Variants in MOB3B observed in about 807,000 individuals in gnomAD.
MOB3B encodes the protein MOB kinase activator-like 2B.
MOB3B carries 7 observed loss-of-function variants against 18.7 expected under a neutral mutation model. The ratio of observed to expected loss-of-function variants is 0.37; its 90% CI spans 0.21 to 0.70. The LOEUF (loss-of-function observed/expected upper bound fraction) is 0.70, where lower values mean the gene tolerates loss of function less well. Ranked by LOEUF, MOB3B falls within the 30% of genes least tolerant of loss-of-function variation. The pLI, the probability that MOB3B is intolerant of heterozygous loss-of-function variation, is 0.52. For missense variants in MOB3B, 253 were observed against 281.3 expected (o/e 0.90, Z 0.72); for synonymous variants, 111 against 99.9 (o/e 1.11, Z -0.66).
intron 1 of MOB3B, among the ~76,000 whole-genome samples, chr9:27,465,483 C>A (rs1819367315): frequency 6.6e-6 from 1 of 152,168 alleles, no homozygotes; most frequent in African/African-American, 2.4e-5. Flanking sequence ...GTGCACAGTG[C>A]AAGCTGTCAG....
rs1291657593 is a variant in MOB3B at position 27,326,129 on chromosome 9, A to G, written c.*4458T>C. On this transcript the variant is annotated 3_prime_UTR_variant, in exon 4 of 4. Coordinates refer to ENST00000262244, the MANE Select transcript of MOB3B (RefSeq NM_024761.5). ...ATAAATGTAGAAAAAGCAGGTCTGGACTTAGCAAAGAAACAATATAGTTTG... is the reference window on the plus strand; with the variant it reads ...ATAAATGTAGAAAAAGCAGGTCTGGGCTTAGCAAAGAAACAATATAGTTTG... 4.6e-6 allele frequency: 1 copy of G among 218,900 alleles called. No homozygotes were observed. Among genetic ancestry groups the G allele is most frequent in the African/African-American group, 2.3e-5 (1 of 44,374 alleles). 13.6% of individuals were successfully genotyped at this position (218,900 alleles called of 1,614,324 possible). A position where few individuals can be genotyped will look rare whatever the true frequency, so the allele number is the denominator to read the frequency against.
chr9:27,491,372 G>C (rs868713074), intron 1 of MOB3B, among the ~76,000 whole-genome samples: 1 of 152,114 alleles, frequency 6.6e-6, no homozygotes, highest in Non-Finnish European at 1.5e-5. Flanking sequence ...CTTTGAAGTT[G>C]TGCAAGAGAG....
At chr9:27,514,818 G>C (rs1164687923) in intron 1 of MOB3B, among the ~76,000 whole-genome samples, 1 of 152,226 alleles carries the variant, frequency 6.6e-6, no homozygotes, top group African/African-American at 2.4e-5. Flanking sequence ...CTGCATGCCT[G>C]TTGGCAAGGA....
At chr9:27,524,495 T>C (rs202116714) in intron 1 of MOB3B, 1 of 1,613,998 alleles carries the variant, frequency 6.2e-7, no homozygotes, top group African/African-American at 1.3e-5. Context: ...GTATGAGCAA[T>C]TCATTTCCTG....
At chr9:27,440,627 A>C (rs1054880378) in intron 2 of MOB3B, among the ~76,000 whole-genome samples, 2 of 152,268 alleles carry the variant, frequency 1.3e-5, no homozygotes, top group African/African-American at 4.8e-5. Context: ...ATTCAATTTT[A>C]AGATATTTTC....
chr9:27,411,565 T>C (rs1428337812), intron 2 of MOB3B, among the ~76,000 whole-genome samples: 3 of 152,132 alleles, frequency 2.0e-5, no homozygotes, highest in Admixed American at 6.5e-5. Flanking sequence ...AGGCAAAGTG[T>C]CCTGAAAATT....
At chr9:27,481,259 A>C (rs1819644502) in intron 1 of MOB3B, among the ~76,000 whole-genome samples, 1 of 152,228 alleles carries the variant, frequency 6.6e-6, no homozygotes, top group Admixed American at 6.5e-5. Flanking sequence ...ATGGACTAAA[A>C]TATATCGGTA....
At chr9:27,476,121 C>G (rs934673373) in intron 1 of MOB3B, among the ~76,000 whole-genome samples, 4 of 152,240 alleles carry the variant, frequency 2.6e-5, no homozygotes, top group African/African-American at 9.6e-5. Context: ...CTTATCTGCT[C>G]TATCCACAGT....
chr9:27,369,027 C>G (rs1186769881), intron 2 of MOB3B, among the ~76,000 whole-genome samples: 1 of 152,138 alleles, frequency 6.6e-6, no homozygotes, highest in Non-Finnish European at 1.5e-5. Context: ...ACAATAAAAG[C>G]CATTAGAAAC....
intron 1 of MOB3B, among the ~76,000 whole-genome samples, chr9:27,505,844 T>C (rs1361151140): frequency 6.6e-6 from 1 of 152,142 alleles, no homozygotes; most frequent in Non-Finnish European, 1.5e-5. Context: ...GCCTGGAAAC[T>C]CATTTCCCGT....
chr9:27,521,390 G>A (rs1820322913), intron 1 of MOB3B, among the ~76,000 whole-genome samples: 1 of 152,156 alleles, frequency 6.6e-6, no homozygotes, highest in South Asian at 2.1e-4. Flanking sequence ...CAACACCTAT[G>A]AGCAGAACTG....
intron 1 of MOB3B, among the ~76,000 whole-genome samples, chr9:27,479,524 G>A (rs1389463598): frequency 6.6e-6 from 1 of 151,956 alleles, no homozygotes; most frequent in African/African-American, 2.4e-5. Flanking sequence ...CTTGCTGAAA[G>A]AAATATTAAA....
At chr9:27,524,954 G>A (rs1445087882) in intron 1 of MOB3B, 1 of 1,572,402 alleles carries the variant, frequency 6.4e-7, no homozygotes, top group African/African-American at 1.4e-5. Flanking sequence ...TATTCAGGAG[G>A]AAATAAGGTA....
At chr9:27,464,416 CA>C (rs1297196420) in intron 1 of MOB3B, among the ~76,000 whole-genome samples, 1 of 152,082 alleles carries the variant, frequency 6.6e-6, no homozygotes, top group East Asian at 1.9e-4. Context: ...GAGGGAGTTC[CA>C]GTATTTTTTT....
chr9:27,432,589 C>T (rs1041241621), intron 2 of MOB3B, among the ~76,000 whole-genome samples: 1 of 152,144 alleles, frequency 6.6e-6, no homozygotes, highest in African/African-American at 2.4e-5. Flanking sequence ...CTTATCTTCC[C>T]TCAGAACAGG....
At chr9:27,349,582 C>T (rs12003803) in intron 3 of MOB3B, among the ~76,000 whole-genome samples, 17,340 of 152,022 alleles carry the variant, frequency 0.11, 2,607 homozygotes, top group African/African-American at 0.35. Context: ...CTCATGAAGA[C>T]GAATTAATCC....
chr9:27,455,007 C>T (rs1822849125), intron 2 of MOB3B, 126 bp downstream of exon 2: 1 of 991,270 alleles, frequency 1.0e-6, no homozygotes, highest in African/African-American at 1.6e-5. Context: ...ATATATCACT[C>T]ACTACAGGTA....
chr9:27,394,644 G>A (rs1011375645), intron 2 of MOB3B, among the ~76,000 whole-genome samples: 39 of 152,130 alleles, frequency 2.6e-4, no homozygotes, highest in African/African-American at 4.8e-5. Context: ...GGAACCTGAC[G>A]GTCACACCTA....
chr9:27,455,356 C>T lies in MOB3B; in HGVS notation c.195G>A (p.Val65=). 6.2e-7 allele frequency: 1 copy of T among 1,614,130 alleles called. No homozygotes were observed. Among genetic ancestry groups the T allele is most frequent in the Non-Finnish European group, 8.5e-7 (1 of 1,180,020 alleles). ...DQNDWVAVHV[V]DFFNRINLIY... is the part of the protein sequence containing the mutation. ...TGAGGTTGATCCGATTGAAGAAGTC[C>T]ACCACATGTACTGCCACCCAGTCAT... Residue 65 remains valine (V), a synonymous_variant, in exon 2 of 4, where the codon GTG becomes GTA. Transcript: ENST00000262244.
Sources: gnomAD v4.1 joint callset for allele counts (sites outside exome capture counted in the v4.1 genomes callset) on GRCh38, gnomAD v4.1.1 for gene constraint, MANE v1.5 for transcripts, NCBI Gene and HGNC (gene_info 2026-07-23, HGNC 2026-07-21) for gene names.